RAB3C: variants seen among roughly 807,000 people sequenced by gnomAD.
The protein encoded by RAB3C is RAB3C, member RAS oncogene family, also known as ras-related protein Rab-3C.
In RAB3C, 17 loss-of-function variants were observed where a neutral mutation model predicts 26.4. The observed-to-expected ratio is 0.64, with a 90% CI of 0.44 to 0.97. The LOEUF is 0.97. Ranked by LOEUF, RAB3C falls within the 50% of genes least tolerant of loss-of-function variation. The pLI is 0.00. For synonymous variants in RAB3C, 91 were observed against 95.9 expected, an observed-to-expected ratio of 0.95 and a Z score of 0.30; for missense variants, 242 against 281.9, an observed-to-expected ratio of 0.86 and a Z score of 1.01.
At chr5:58,583,302 A>T (rs1745944721) in intron 1 of RAB3C, 70 bp downstream of exon 1, 2 of 1,606,358 alleles carry the variant, frequency 1.2e-6, no homozygotes, top group South Asian at 2.2e-5. Flanking sequence ...CTCCGCGCAC[A>T]AGCAGTTCAA....
Position 58,637,427 on chromosome 5 carries a change from A to C in RAB3C, c.252+19557A>C, listed in dbSNP as rs192714063. Among the ~76,000 whole-genome samples, 111 of 152,278 alleles carry C rather than the reference A, an allele frequency of 7.3e-4. 2 individuals are homozygous for C. In the East Asian group the frequency reaches 0.019, roughly 26 times the overall value. On this transcript the variant is annotated intron_variant, in intron 2 of 4. Coordinates refer to ENST00000282878, the MANE Select transcript of RAB3C (RefSeq NM_138453.4). ...TATATTCTGTTGCTGGAACAGTAAA[A>C]GATCTGTGATTTCTATCCCCGAAGA...
chr5:58,592,857 A>G (rs1202434273), intron 1 of RAB3C, among the ~76,000 whole-genome samples: 2 of 152,090 alleles, frequency 1.3e-5, no homozygotes, highest in African/African-American at 4.8e-5. Context: ...TTGAGTTTAA[A>G]CAATTTGACT....
chr5:58,615,848 G>T lies in RAB3C; in HGVS notation c.25-1795G>T, dbSNP rs114483786. ...TTCATGAAATACCCACGGGTTTTTTGTTTGTCCTTATTCTTATACATAAAA... is the reference window on the plus strand; with the variant it reads ...TTCATGAAATACCCACGGGTTTTTTTTTTGTCCTTATTCTTATACATAAAA... On this transcript the variant is annotated intron_variant, in intron 1 of 4. Transcript: ENST00000282878. 5.8e-3 allele frequency among the ~76,000 whole-genome samples: 882 copies of T among 152,088 alleles called. 5 individuals carry two copies. The highest frequency in any genetic ancestry group is 0.02 in the African/African-American group (835 of 41,504).
chr5:58,715,311 T>G (rs1749148219), intron 2 of RAB3C, among the ~76,000 whole-genome samples: 1 of 151,880 alleles, frequency 6.6e-6, no homozygotes, highest in Non-Finnish European at 1.5e-5. Flanking sequence ...GTAGACAAAG[T>G]TGTGACTGCT....
At chr5:58,819,869 A>G (rs1328030228) in intron 3 of RAB3C, among the ~76,000 whole-genome samples, 4 of 152,154 alleles carry the variant, frequency 2.6e-5, no homozygotes, top group Non-Finnish European at 4.4e-5. Flanking sequence ...CTCCACCTCA[A>G]AAAAAACTGT....
At chr5:58,840,384 G>A (rs932088377) in intron 4 of RAB3C, among the ~76,000 whole-genome samples, 5 of 151,926 alleles carry the variant, frequency 3.3e-5, no homozygotes, top group East Asian at 3.9e-4. Context: ...TTGTCTTTCT[G>A]AATTCATTGA....
chr5:58,711,054 C>T (rs1279254566), intron 2 of RAB3C, among the ~76,000 whole-genome samples: 1 of 152,176 alleles, frequency 6.6e-6, no homozygotes, highest in African/African-American at 2.4e-5. Context: ...TTAAAGAAAT[C>T]AGCAAGCATA....
chr5:58,712,989 G>A (rs1483553678), intron 2 of RAB3C, among the ~76,000 whole-genome samples: 1 of 152,088 alleles, frequency 6.6e-6, no homozygotes, highest in Non-Finnish European at 1.5e-5. Context: ...GACATGAAGG[G>A]ATCAAAAACA....
chr5:58,843,878 T>A (rs931500021), intron 4 of RAB3C, among the ~76,000 whole-genome samples: 1 of 152,150 alleles, frequency 6.6e-6, no homozygotes, highest in African/African-American at 2.4e-5. Flanking sequence ...ATTTCCCCAT[T>A]AACCCCACTA....
chr5:58,797,246 T>G (rs1388919275), intron 3 of RAB3C, among the ~76,000 whole-genome samples: 1 of 150,494 alleles, frequency 6.6e-6, no homozygotes, highest in East Asian at 2.0e-4. Context: ...ATCCTCTAGC[T>G]CACTGAGAGA....
intron 1 of RAB3C, among the ~76,000 whole-genome samples, chr5:58,587,867 G>A (rs984888394): frequency 6.6e-6 from 1 of 152,106 alleles, no homozygotes; most frequent in Admixed American, 6.6e-5. Context: ...GCCCTGCAGA[G>A]TGACTTAACC....
At chr5:58,766,917 C>T (rs538979499) in intron 3 of RAB3C, among the ~76,000 whole-genome samples, 2 of 152,160 alleles carry the variant, frequency 1.3e-5, no homozygotes, top group African/African-American at 4.8e-5. Flanking sequence ...CTAAGTACCA[C>T]GAAGTTAGAG....
intron 3 of RAB3C, among the ~76,000 whole-genome samples, chr5:58,781,931 T>TA (rs1742278376): frequency 6.6e-6 from 1 of 152,188 alleles, no homozygotes; most frequent in African/African-American, 2.4e-5. Context: ...ATATTCTACA[T>TA]AAATTTTTTT....
At chr5:58,629,625 G>C (rs1025903803) in intron 2 of RAB3C, among the ~76,000 whole-genome samples, 15 of 152,178 alleles carry the variant, frequency 9.9e-5, no homozygotes, top group African/African-American at 2.9e-4. Flanking sequence ...GCAGAGGAGT[G>C]GGAAAGCTTT....
chr5:58,717,172 C>A (rs1347747114), intron 2 of RAB3C, among the ~76,000 whole-genome samples: 4 of 152,026 alleles, frequency 2.6e-5, no homozygotes, highest in African/African-American at 9.7e-5. Flanking sequence ...TACTGTTGAG[C>A]CCAGTTTAAA....
intron 3 of RAB3C, among the ~76,000 whole-genome samples, chr5:58,786,178 C>G (rs1742375884): frequency 6.6e-6 from 1 of 152,218 alleles, no homozygotes; most frequent in African/African-American, 2.4e-5. Flanking sequence ...TATTAATCCA[C>G]AACTCAGGAG....
chr5:58,606,643 G>A (rs1175196310), intron 1 of RAB3C, among the ~76,000 whole-genome samples: 1 of 152,186 alleles, frequency 6.6e-6, no homozygotes, highest in African/African-American at 2.4e-5. Context: ...TCCCAGTAGG[G>A]TCCGACAGAC....
At chr5:58,655,789 C>CTTTTTTTT (rs34352086) in intron 2 of RAB3C, among the ~76,000 whole-genome samples, 9 of 91,644 alleles carry the variant, frequency 9.8e-5, no homozygotes, top group Non-Finnish European at 1.6e-4. Context: ...AAACCTAACT[C>CTTTTTTTT]TTTTTTTTTT....
At chr5:58,612,536 A>ATATATATATGTATATATATATATG (rs1561266420) in intron 1 of RAB3C, among the ~76,000 whole-genome samples, 4 of 96,484 alleles carry the variant, frequency 4.1e-5, no homozygotes, top group Admixed American at 1.1e-4. Context: ...ATATATATAT[A>ATATATATATGTATATATATATATG]TATATATATA....
Sources: gnomAD v4.1 joint callset for allele counts (sites outside exome capture counted in the v4.1 genomes callset) on GRCh38, gnomAD v4.1.1 for gene constraint, MANE v1.5 for transcripts, NCBI Gene and HGNC (gene_info 2026-07-23, HGNC 2026-07-21) for gene names.